The following CCDC6 variants were observed in gnomAD, a reference collection of about 807,000 sequenced individuals.
CCDC6 encodes the protein coiled-coil domain-containing protein 6.
CCDC6 carries 20 observed loss-of-function variants against 56.6 expected under a neutral mutation model. The observed-to-expected ratio is 0.35, with a 90% CI of 0.25 to 0.51. The LOEUF (loss-of-function observed/expected upper bound fraction) is 0.51, where lower values mean the gene tolerates loss of function less well. Ranked by LOEUF, CCDC6 falls within the 20% of genes least tolerant of loss-of-function variation. The probability of loss-of-function intolerance (pLI) is 0.95; values close to 1 mark genes in which losing one functional copy is unlikely to be tolerated. For missense variants in CCDC6, 367 were observed against 601.1 expected (o/e 0.61, Z 4.07); for synonymous variants, 241 against 234.4 (o/e 1.03, Z -0.26).
chr10:59,844,332 C>G (rs1258107252), intron 2 of CCDC6, among the ~76,000 whole-genome samples: 2 of 150,854 alleles, frequency 1.3e-5, no homozygotes, highest in African/African-American at 2.4e-5. Flanking sequence ...GGGTATATAT[C>G]TAAAGGGTTA....
intron 3 of CCDC6, among the ~76,000 whole-genome samples, chr10:59,822,778 T>A (rs1297169479): frequency 6.6e-6 from 1 of 151,954 alleles, no homozygotes; most frequent in East Asian, 1.9e-4. Context: ...CAAAACCCCA[T>A]CCTCAAGCCA....
chr10:59,884,168 C>T (rs528097222), intron 1 of CCDC6, among the ~76,000 whole-genome samples: 159 of 152,124 alleles, frequency 1.0e-3, no homozygotes, highest in African/African-American at 3.4e-3. Flanking sequence ...AGAAAGTTGA[C>T]TAAGTTTCAG....
At position 59,814,723 on chromosome 10, in the gene CCDC6, T is replaced by C. The variant is rs1301948877; in HGVS notation, c.615A>G (p.Thr205=). 2 of 1,613,142 alleles carry C rather than the reference T, an allele frequency of 1.2e-6. No individual in the cohort carries two copies. The highest frequency in any genetic ancestry group is 1.3e-5 in the African/African-American group (1 of 74,882). Residue 205 remains threonine (T), a synonymous_variant, in exon 4 of 9, where the codon ACA becomes ACG. Coordinates refer to ENST00000263102, the MANE Select transcript of CCDC6 (RefSeq NM_005436.5). ...LRREKIDLEN[T]LEQEQEALVN... ...CTAGTGCTTCTTGTTCTTGTTCCAA[T>C]GTATTTTCAAGGTCAATCTTCTCCC...
At chr10:59,865,180 C>T (rs1466200991) in intron 1 of CCDC6, among the ~76,000 whole-genome samples, 2 of 152,206 alleles carry the variant, frequency 1.3e-5, no homozygotes, top group East Asian at 3.9e-4. Context: ...AACCCTGGCC[C>T]AGGGGCAATG....
intron 2 of CCDC6, among the ~76,000 whole-genome samples, chr10:59,834,604 G>C (rs994672875): frequency 6.6e-6 from 1 of 151,732 alleles, no homozygotes; most frequent in African/African-American, 2.4e-5. Flanking sequence ...TTAATCTGAC[G>C]TAGTCTTCCA....
Position 59,802,655 on chromosome 10 carries a change from T to C in CCDC6, c.1105+1765A>G, listed in dbSNP as rs189635751. Among the ~76,000 whole-genome samples, 3 of 152,248 alleles carry C rather than the reference T, an allele frequency of 2.0e-5. No individual in the cohort carries two copies. In the East Asian group the frequency reaches 5.8e-4, roughly 29 times the overall value. ...TACTTATGACATAGTTTAAGAAAAGTCAAATAGCTTATCTATCCAAGCAAG... is the reference window on the plus strand; with the variant it reads ...TACTTATGACATAGTTTAAGAAAAGCCAAATAGCTTATCTATCCAAGCAAG... On this transcript the variant is annotated intron_variant, in intron 7 of 8. Transcript: ENST00000263102.
chr10:59,789,115 T>C lies in CCDC6; in HGVS notation c.*3802A>G, dbSNP rs1260512412. 1 of 228,604 alleles carries C rather than the reference T, an allele frequency of 4.4e-6. No individual in the cohort carries two copies. Among genetic ancestry groups the C allele is most frequent in the African/African-American group, 2.2e-5 (1 of 45,090 alleles). 14.2% of individuals were successfully genotyped at this position (228,604 alleles called of 1,614,324 possible). ...CTCAGGGGTCAACCTGACCAGATAC[T>C]CTTCTGGAGGAATGCATTCTTAAAC... On this transcript the variant is annotated 3_prime_UTR_variant, in exon 9 of 9. Coordinates refer to ENST00000263102, the MANE Select transcript of CCDC6 (RefSeq NM_005436.5).
At position 59,792,684 on chromosome 10, in the gene CCDC6, G is replaced by A. The variant is rs752912641; in HGVS notation, c.*233C>T. 101 of 752,490 alleles carry A rather than the reference G, an allele frequency of 1.3e-4. No individual in the cohort carries two copies. Among genetic ancestry groups the A allele is most frequent in the Middle Eastern group, 4.5e-4 (2 of 4,402 alleles). The allele number at this position is 752,490 out of a possible 1,614,324, so 46.6% of individuals were successfully genotyped here. A position where few individuals can be genotyped will look rare whatever the true frequency, so the allele number is the denominator to read the frequency against. On this transcript the variant is annotated 3_prime_UTR_variant, in exon 9 of 9. Transcript: ENST00000263102. ...CGAAGGTTCCAGCCAGGGAATGGAC[G>A]TACATGAAGATTCAAGTAAAACACT... is the stretch of plus-strand genomic sequence containing the variant.
chr10:59,829,330 CA>C (rs1400495756), intron 3 of CCDC6, among the ~76,000 whole-genome samples: 1 of 152,218 alleles, frequency 6.6e-6, no homozygotes, highest in Admixed American at 6.5e-5. Context: ...TCACCCACTA[CA>C]TGCAAAGTAT....
At chr10:59,828,443 A>G (rs2070807287) in intron 3 of CCDC6, among the ~76,000 whole-genome samples, 1 of 152,250 alleles carries the variant, frequency 6.6e-6, no homozygotes, top group South Asian at 2.1e-4. Flanking sequence ...AAATGCCAAA[A>G]AGGTAACTAA....
chr10:59,895,955 G>T (rs2071459492), intron 1 of CCDC6, among the ~76,000 whole-genome samples: 1 of 152,188 alleles, frequency 6.6e-6, no homozygotes, highest in African/African-American at 2.4e-5. Context: ...AAATTCTGCA[G>T]CCCAAGGCTT....
Position 59,906,358 on chromosome 10 carries a change from T to A in CCDC6, c.67A>T (p.Met23Leu). ...GAGGTCGACGAGCAGGACGACTGCA[T>A]GGCGGCCGAGCTGCTGCTGTTGCCC... ...AGGNSSSSAA[M>L]QSSCSSTSGG... The change falls in exon 1 of 9, where the codon ATG becomes TTG. Residue 23 changes from methionine (M) to leucine (L), a missense_variant. Physicochemically the swap from Met to Leu is conservative, Grantham distance 15 (BLOSUM62 2). Transcript: ENST00000263102. 2 of 1,595,640 alleles carry A rather than the reference T, an allele frequency of 1.3e-6. No homozygotes were observed. Among genetic ancestry groups the A allele is most frequent in the South Asian group, 1.1e-5 (1 of 90,776 alleles).
intron 3 of CCDC6, 75 bp downstream of exon 3, chr10:59,832,450 C>T: frequency 1.4e-6 from 2 of 1,398,890 alleles, no homozygotes; most frequent in South Asian, 1.4e-5. Flanking sequence ...TAAATTCCTC[C>T]AGGCATCTTA....
At chr10:59,794,133 A>C (rs2070492657) in intron 8 of CCDC6, among the ~76,000 whole-genome samples, 1 of 152,212 alleles carries the variant, frequency 6.6e-6, no homozygotes, top group African/African-American at 2.4e-5. Context: ...GTGAACTGTG[A>C]AGGTGCAGAC....
At chr10:59,872,014 A>C (rs568980997) in intron 1 of CCDC6, among the ~76,000 whole-genome samples, 1 of 152,358 alleles carries the variant, frequency 6.6e-6, no homozygotes, top group African/African-American at 2.4e-5. Context: ...GCCAATTATT[A>C]AAAGCACTGC....
chr10:59,895,386 G>C (rs956633116), intron 1 of CCDC6, among the ~76,000 whole-genome samples: 1 of 152,184 alleles, frequency 6.6e-6, no homozygotes, highest in South Asian at 2.1e-4. Context: ...TCTGAGGTCA[G>C]ACCTGGGCTC....
intron 6 of CCDC6, 161 bp downstream of exon 6, chr10:59,806,761 C>T (rs941856063): frequency 6.0e-6 from 3 of 499,572 alleles, no homozygotes; most frequent in Non-Finnish European, 1.0e-5. Flanking sequence ...CAATCTTTAT[C>T]CCATTCTTGG....
At chr10:59,872,438 G>C (rs1208228227) in intron 1 of CCDC6, among the ~76,000 whole-genome samples, 1 of 152,156 alleles carries the variant, frequency 6.6e-6, no homozygotes, top group African/African-American at 2.4e-5. Context: ...GTAAGAAAAT[G>C]GTAGCCAATT....
chr10:59,822,221 GACA>G (rs1215506387), intron 3 of CCDC6, among the ~76,000 whole-genome samples: 1 of 152,008 alleles, frequency 6.6e-6, no homozygotes, highest in Non-Finnish European at 1.5e-5. Flanking sequence ...ATAATTTCAG[GACA>G]ACATTAATAT....
Sources: gnomAD v4.1 joint callset for allele counts (sites outside exome capture counted in the v4.1 genomes callset) on GRCh38, gnomAD v4.1.1 for gene constraint, MANE v1.5 for transcripts, NCBI Gene and HGNC (gene_info 2026-07-23, HGNC 2026-07-21) for gene names.